Variants in UGCG observed in about 807,000 individuals in gnomAD.
UGCG encodes UDP-glucose ceramide glucosyltransferase, also known as ceramide glucosyltransferase.
Under a neutral mutation model 49.5 loss-of-function variants are expected in UGCG, and 10 were observed. The observed-to-expected ratio is 0.20, with a 90% confidence interval of 0.12 to 0.34. The LOEUF (loss-of-function observed/expected upper bound fraction) is 0.34. Among genes scored for constraint, UGCG ranks in the 10% least tolerant of loss-of-function variants. The probability of loss-of-function intolerance (pLI) is 1.00; values close to 1 mark genes in which losing one functional copy is unlikely to be tolerated. For missense variants in UGCG, 312 were observed against 483.7 expected (o/e 0.65, Z 3.33); for synonymous variants, 182 against 158.2 (o/e 1.15, Z -1.13).
intron 1 of UGCG, among the ~76,000 whole-genome samples, chr9:111,902,863 C>T (rs112407944): frequency 7.9e-5 from 12 of 151,942 alleles, no homozygotes; most frequent in African/African-American, 1.2e-4. Flanking sequence ...CTGCAACCTC[C>T]GCCTTCTGGG....
At chr9:111,923,895 T>G (rs557976121) in intron 3 of UGCG, among the ~76,000 whole-genome samples, 1 of 152,298 alleles carries the variant, frequency 6.6e-6, no homozygotes, top group African/African-American at 2.4e-5. Flanking sequence ...CCTCCCAAAG[T>G]GCTGGGATTA....
chr9:111,915,696 A>G (rs1035792111), intron 2 of UGCG: 6 of 762,060 alleles, frequency 7.9e-6, no homozygotes, highest in Non-Finnish European at 8.0e-6. Flanking sequence ...CAGAAGGAAG[A>G]TGATATGCGC....
intron 6 of UGCG, among the ~76,000 whole-genome samples, chr9:111,929,954 G>A (rs891761135): frequency 3.3e-5 from 5 of 152,034 alleles, no homozygotes; most frequent in African/African-American, 1.2e-4. Flanking sequence ...GAGCACCTGG[G>A]ACTACAGGCA....
chr9:111,931,546 A>G (rs982769477), intron 7 of UGCG, among the ~76,000 whole-genome samples, 189 bp downstream of exon 7: 1 of 152,230 alleles, frequency 6.6e-6, no homozygotes, highest in Admixed American at 6.5e-5. Context: ...TATTTGCTGT[A>G]TAACACTGAA....
At chr9:111,897,779 A>C (rs1837691821) in intron 1 of UGCG, among the ~76,000 whole-genome samples, 1 of 151,602 alleles carries the variant, frequency 6.6e-6, no homozygotes, top group Non-Finnish European at 1.5e-5. Context: ...GAAGGGCTCT[A>C]TGCGCTTAGA....
intron 1 of UGCG, among the ~76,000 whole-genome samples, chr9:111,902,121 T>G (rs749013554): frequency 6.6e-6 from 1 of 152,218 alleles, no homozygotes; most frequent in Non-Finnish European, 1.5e-5. Flanking sequence ...CCTTCTTTCC[T>G]TCCAAAAATC....
intron 1 of UGCG, among the ~76,000 whole-genome samples, chr9:111,904,206 G>A (rs1837832101): frequency 6.6e-6 from 1 of 152,146 alleles, no homozygotes; most frequent in Non-Finnish European, 1.5e-5. Flanking sequence ...CCTCGTATCA[G>A]TCTGCCCTGT....
intron 1 of UGCG, among the ~76,000 whole-genome samples, chr9:111,907,042 T>C (rs772681702): frequency 1.6e-4 from 24 of 152,132 alleles, no homozygotes; most frequent in Non-Finnish European, 3.2e-4. Flanking sequence ...AAACTGAAGA[T>C]TGAGTTTCAG....
chr9:111,916,946 A>T (rs1589523370), intron 2 of UGCG, among the ~76,000 whole-genome samples: 1 of 151,512 alleles, frequency 6.6e-6, no homozygotes, highest in South Asian at 2.1e-4. Context: ...GGTGTTCAAG[A>T]CCAGCCTGGG....
chr9:111,926,294 C>T lies in UGCG; in HGVS notation c.446-90C>T, dbSNP rs1471714051. ...ATGTATTTTATTAAGAATGTAATAA[C>T]AATTCACAAAATATATTTTATATTA... On this transcript the variant is annotated intron_variant, in intron 4 of 8. Coordinates refer to ENST00000374279, the MANE Select transcript of UGCG (RefSeq NM_003358.3). 2.8e-5 allele frequency: 20 copies of T among 722,382 alleles called. No homozygotes were observed. The Admixed American group carries it at 4.5e-4, about 16-fold the overall frequency. The allele number at this position is 722,382 out of a possible 1,614,324, so 44.7% of individuals were successfully genotyped here. A position where few individuals can be genotyped will look rare whatever the true frequency, so the allele number is the denominator to read the frequency against.
rs1452553633 is a variant in UGCG at position 111,933,248 on chromosome 9, C to T, written c.*251C>T. 2.9e-5 allele frequency: 7 copies of T among 237,720 alleles called. No individual in the cohort carries two copies. Among genetic ancestry groups the T allele is most frequent in the Non-Finnish European group, 4.7e-5 (6 of 127,866 alleles). 14.7% of individuals were successfully genotyped at this position (237,720 alleles called of 1,614,324 possible). ...AGAATTGGTTCTAGGAACCTGGGTT[C>T]GTTCATCATTGTTGTTTATTTTTTT... is the stretch of plus-strand genomic sequence containing the variant. On this transcript the variant is annotated 3_prime_UTR_variant, in exon 9 of 9. Coordinates refer to ENST00000374279, the MANE Select transcript of UGCG (RefSeq NM_003358.3).
At chr9:111,900,528 T>A (rs1319914569) in intron 1 of UGCG, among the ~76,000 whole-genome samples, 1 of 152,212 alleles carries the variant, frequency 6.6e-6, no homozygotes, top group Non-Finnish European at 1.5e-5. Flanking sequence ...GGTCTTGCTC[T>A]GTTGCTTAGG....
chr9:111,899,210 C>A (rs561623714), intron 1 of UGCG, among the ~76,000 whole-genome samples: 1 of 152,012 alleles, frequency 6.6e-6, no homozygotes, highest in African/African-American at 2.4e-5. Context: ...TTTATATTTC[C>A]GAAAGAGGAA....
At chr9:111,912,890 TGTG>T (rs1235851935) in intron 1 of UGCG, among the ~76,000 whole-genome samples, 1 of 139,488 alleles carries the variant, frequency 7.2e-6, no homozygotes, top group Non-Finnish European at 1.6e-5. Flanking sequence ...GTAAACCTGG[TGTG>T]TGTGTGTGTG....
rs118095974 is a variant in UGCG at position 111,923,556 on chromosome 9, G to A, written c.343+605G>A. On this transcript the variant is annotated intron_variant, in intron 3 of 8. Coordinates refer to ENST00000374279, the MANE Select transcript of UGCG (RefSeq NM_003358.3). ...AATCAGGACCATTACAAATCTATCA[G>A]CTCATGGTCAGAGATGCTCATTCTT... Among the ~76,000 whole-genome samples, 875 of 152,110 alleles carry A rather than the reference G, an allele frequency of 5.8e-3. 9 individuals are homozygous for A. The East Asian group carries it at 0.062, about 11-fold the overall frequency.
intron 7 of UGCG, 132 bp from the exon 8 acceptor site, chr9:111,932,038 A>C (rs897569189): frequency 5.8e-6 from 6 of 1,031,162 alleles, no homozygotes; most frequent in African/African-American, 5.0e-5. Context: ...AAAAAAAAAC[A>C]AAACAAAAAA....
At chr9:111,922,470 G>C (rs1253248204) in intron 2 of UGCG, among the ~76,000 whole-genome samples, 2 of 152,118 alleles carry the variant, frequency 1.3e-5, no homozygotes, top group Non-Finnish European at 2.9e-5. Context: ...GCTTCCTTTT[G>C]ATGTCACTTT....
At chr9:111,908,068 C>T (rs1464090887) in intron 1 of UGCG, among the ~76,000 whole-genome samples, 2 of 146,770 alleles carry the variant, frequency 1.4e-5, no homozygotes, top group Admixed American at 1.4e-4. Flanking sequence ...AGCGTTTCTT[C>T]ATCTTGTCCA....
At chr9:111,901,592 C>T (rs1837773189) in intron 1 of UGCG, among the ~76,000 whole-genome samples, 1 of 152,150 alleles carries the variant, frequency 6.6e-6, no homozygotes, top group Admixed American at 6.5e-5. Context: ...GGGCTTAATA[C>T]CTCGGTGATG....
Sources: gnomAD v4.1 joint callset for allele counts (sites outside exome capture counted in the v4.1 genomes callset) on GRCh38, gnomAD v4.1.1 for gene constraint, MANE v1.5 for transcripts, NCBI Gene and HGNC (gene_info 2026-07-23, HGNC 2026-07-21) for gene names.